The following ZNF570 variants were observed in gnomAD, a reference collection of about 807,000 sequenced individuals.
ZNF570 encodes the protein zinc finger protein 570.
ZNF570 carries 8 observed loss-of-function variants against 14.2 expected under a neutral mutation model. The observed-to-expected ratio is 0.56, with a 90% CI of 0.33 to 1.02. The LOEUF (loss-of-function observed/expected upper bound fraction) is 1.02. Ranked by LOEUF, ZNF570 falls within the 50% of genes least tolerant of loss-of-function variation. The pLI, the probability that ZNF570 is intolerant of heterozygous loss-of-function variation, is 0.03. For synonymous variants in ZNF570, 202 were observed against 207.6 expected (o/e 0.97, Z 0.23); for missense variants, 559 against 624.9 (o/e 0.89, Z 1.12).
rs577800145 is a variant in ZNF570, at chr19:37,485,657, A to T, written c.*424A>T. ...AGGCTGGTCTTGAACTCCTGATCTC[A>T]AGTGATCTGTCTGTCTCGGCCTCCC... On this transcript the variant is annotated 3_prime_UTR_variant, in exon 5 of 5. Transcript: ENST00000330173. 1 of 157,016 alleles carries T rather than the reference A, an allele frequency of 6.4e-6. No homozygotes were observed. Among genetic ancestry groups the T allele is most frequent in the East Asian group, 1.9e-4 (1 of 5,192 alleles). The allele number at this position is 157,016 out of a possible 1,614,324, so 9.7% of individuals were successfully genotyped here. A position where few individuals can be genotyped will look rare whatever the true frequency, so the allele number is the denominator to read the frequency against.
intron 4 of ZNF570, among the ~76,000 whole-genome samples, chr19:37,478,920 G>A (rs2042056323): frequency 6.6e-6 from 1 of 151,164 alleles, no homozygotes; most frequent in African/African-American, 2.4e-5. Flanking sequence ...TTGTTTGGGT[G>A]TTTTGCATCT....
Position 37,475,961 on chromosome 19 carries a change from G to A in ZNF570, c.114G>A (p.Leu38=), listed in dbSNP as rs771340961. 4.3e-6 allele frequency: 7 copies of A among 1,613,954 alleles called. No homozygotes were observed. The highest frequency in any genetic ancestry group is 5.1e-6 in the Non-Finnish European group (6 of 1,179,910). ...GTCTGGATTCTTCTCAAAGACATCT[G>A]TACAGTAATGTGATGCTAGAGAACT... The part of the protein sequence containing the change: ...WDCLDSSQRH[L]YSNVMLENYR... The change falls in exon 3 of 5, where the codon CTG becomes CTA. Residue 38 remains leucine, a synonymous_variant. Transcript: ENST00000330173.
At chr19:37,479,729 T>C (rs1229447384) in intron 4 of ZNF570, among the ~76,000 whole-genome samples, 1 of 152,186 alleles carries the variant, frequency 6.6e-6, no homozygotes, top group Admixed American at 6.5e-5. Flanking sequence ...AATTCTTATA[T>C]TATTGTTACT....
At chr19:37,476,618 T>C in intron 4 of ZNF570, 184 bp downstream of exon 4, 2 of 832,460 alleles carry the variant, frequency 2.4e-6, no homozygotes, top group South Asian at 3.8e-5. Context: ...CTTCTCTTAC[T>C]TTCCTATCTC....
Position 37,483,986 on chromosome 19 carries a change from T to C in ZNF570, c.364T>C (p.Tyr122His). 1.2e-6 allele frequency: 2 copies of C among 1,614,022 alleles called. No homozygotes were observed. The highest frequency in any genetic ancestry group is 1.3e-5 in the African/African-American group (1 of 75,050). ...AACACTTACAAGCTATAACCTTGAATACTCCAGTTTGAGAGAAGAGTGGAA... is the reference window on the plus strand; with the variant it reads ...AACACTTACAAGCTATAACCTTGAACACTCCAGTTTGAGAGAAGAGTGGAA... Reference protein sequence around the residue: ...IETLTSYNLEYSSLREEWKCE... With the variant: ...IETLTSYNLEHSSLREEWKCE... The change falls in exon 5 of 5, where the codon TAC (tyrosine) becomes CAC (histidine). Residue 122 changes from tyrosine to histidine, a missense_variant. Coordinates refer to ENST00000330173, the MANE Select transcript of ZNF570 (RefSeq NM_144694.5).
In ZNF570 at chr19:37,483,912, C is replaced by A; in HGVS notation, c.290C>A (p.Thr97Asn). ...WEPICETEEL[T>N]PKQDFYEEHQ... ...CCTATATGTGAGACTGAAGAATTAA[C>A]CCCAAAGCAGGATTTTTATGAAGAA... The change falls in exon 5 of 5, where the codon ACC becomes AAC. Residue 97 changes from threonine (T) to asparagine (N), a missense_variant. Coordinates refer to ENST00000330173, the MANE Select transcript of ZNF570 (RefSeq NM_144694.5). The A allele has an allele frequency of 6.2e-7, 1 of 1,612,458 alleles. No homozygotes were observed. Among genetic ancestry groups the A allele is most frequent in the South Asian group, 1.1e-5 (1 of 90,918 alleles).
rs200756675 is a variant in ZNF570, at chr19:37,484,295, A to G, written c.673A>G (p.Lys225Glu). 149 of 1,613,428 alleles carry G rather than the reference A, an allele frequency of 9.2e-5. 1 individual carries two copies. Among genetic ancestry groups the G allele is most frequent in the Middle Eastern group, 1.6e-4 (1 of 6,070 alleles). ...ACTTTTGAAATGTAATGACTGTGAA[A>G]AAGTCTTCAGCCAGAGTTCATCCCT... The part of the protein sequence containing the change: ...KKLLKCNDCE[K>E]VFSQSSSLTL... Residue 225 changes from lysine to glutamate, a missense_variant, in exon 5 of 5, where the codon AAA becomes GAA. Coordinates refer to ENST00000330173, the MANE Select transcript of ZNF570 (RefSeq NM_144694.5).
At chr19:37,470,695 CT>C (rs760686313) in intron 2 of ZNF570, among the ~76,000 whole-genome samples, 1,148 of 92,954 alleles carry the variant, frequency 0.012, 9 homozygotes, top group African/African-American at 0.029. Context: ...CTTATTTATT[CT>C]TTTTTTTTTT....
chr19:37,469,191 G>A (rs2041907744), upstream of ZNF570: 2 of 1,255,264 alleles, frequency 1.6e-6, no homozygotes, highest in South Asian at 1.9e-5. Context: ...GGGAGGACCT[G>A]GTGGGGAGGA....
At chr19:37,468,696 C>CG (rs963615464), upstream of ZNF570, among the ~76,000 whole-genome samples, 1 of 152,026 alleles carries the variant, frequency 6.6e-6, no homozygotes, top group African/African-American at 2.4e-5. Flanking sequence ...TTAGTAGAGA[C>CG]GGGGTTTCAC....
rs1366085161 is a variant in ZNF570 at position 37,484,303 on chromosome 19, C to T, written c.681C>T (p.Phe227=). ...LLKCNDCEKV[F]SQSSSLTLHQ... is the part of the protein sequence containing the mutation. ...AATGTAATGACTGTGAAAAAGTCTT[C>T]AGCCAGAGTTCATCCCTTACTCTTC... The change falls in exon 5 of 5, where the codon TTC becomes TTT. Residue 227 remains phenylalanine (F), a synonymous_variant. Transcript: ENST00000330173. 1 of 1,613,642 alleles carries T rather than the reference C, an allele frequency of 6.2e-7. No individual in the cohort carries two copies. The highest frequency in any genetic ancestry group is 8.5e-7 in the Non-Finnish European group (1 of 1,179,910).
upstream of ZNF570, chr19:37,468,094 G>GTT (rs145332123): frequency 3.1e-4 from 204 of 663,384 alleles, no homozygotes; most frequent in South Asian, 5.4e-4. Context: ...TGTTTGTTTT[G>GTT]TTTTTTTTGA....
Position 37,484,869 on chromosome 19 carries a change from G to A in ZNF570, c.1247G>A (p.Cys416Tyr). The A allele has an allele frequency of 6.2e-7, 1 of 1,613,694 alleles. No individual in the cohort carries two copies. The highest frequency in any genetic ancestry group is 1.1e-5 in the South Asian group (1 of 91,070). The change falls in exon 5 of 5, where the codon TGT (cysteine) becomes TAT (tyrosine). Residue 416 changes from cysteine to tyrosine, a missense_variant. Physicochemically the swap from Cys to Tyr is radical, Grantham distance 194. Transcript: ENST00000330173. The part of the protein sequence containing the change: ...RIHTGEKPYK[C>Y]QECRKAFSQI... ...CATACTGGAGAAAAACCTTATAAGT[G>A]TCAGGAATGTAGGAAAGCATTCAGC...
In ZNF570 at chr19:37,484,709, T is replaced by C. The variant is rs1469534091; in HGVS notation, c.1087T>C (p.Cys363Arg). 2 of 1,614,158 alleles carry C rather than the reference T, an allele frequency of 1.2e-6. No homozygotes were observed. The highest frequency in any genetic ancestry group is 1.7e-5 in the Admixed American group (1 of 60,020). Reference protein sequence around the residue: ...TGEKPYECNVCGKAFSLRAYL... With the variant: ...TGEKPYECNVRGKAFSLRAYL... ...AGAGAAACCCTATGAATGTAATGTCTGTGGGAAAGCATTTAGCCTTCGTGC... is the reference window on the plus strand; with the variant it reads ...AGAGAAACCCTATGAATGTAATGTCCGTGGGAAAGCATTTAGCCTTCGTGC... Residue 363 changes from cysteine (C) to arginine (R), a missense_variant, in exon 5 of 5, where the codon TGT (cysteine) becomes CGT (arginine). Cys to Arg is a radical substitution (Grantham distance 180, BLOSUM62 -3). Transcript: ENST00000330173.
At chr19:37,475,774 G>A in intron 2 of ZNF570, 107 bp from the exon 3 acceptor site, 1 of 1,092,934 alleles carries the variant, frequency 9.1e-7, no homozygotes, top group Non-Finnish European at 1.3e-6. Flanking sequence ...TGATAACATG[G>A]TTACATATTT....
At position 37,488,264 on chromosome 19, in the gene ZNF570, G is replaced by A. The variant is rs769277799; in HGVS notation, c.*3031G>A. 8 of 151,968 alleles carry A rather than the reference G, an allele frequency of 5.3e-5. No individual in the cohort carries two copies. The highest frequency in any genetic ancestry group is 5.2e-4 in the Admixed American group (8 of 15,256). 9.4% of individuals were successfully genotyped at this position (151,968 alleles called of 1,614,324 possible). A position where few individuals can be genotyped will look rare whatever the true frequency, so the allele number is the denominator to read the frequency against. Reference sequence around the variant, plus strand: ...AACTAGAGATATTTCTGTCAACATGGGTAAACCTCAAAAATAGTATTAATG... The same window carrying A: ...AACTAGAGATATTTCTGTCAACATGAGTAAACCTCAAAAATAGTATTAATG... On this transcript the variant is annotated 3_prime_UTR_variant, in exon 5 of 5. Transcript: ENST00000330173.
chr19:37,480,951 A>C (rs1446362057), intron 4 of ZNF570, among the ~76,000 whole-genome samples: 1 of 151,964 alleles, frequency 6.6e-6, no homozygotes. Flanking sequence ...TCTGTCTCAA[A>C]AAAAAAAACA....
chr19:37,478,404 A>G (rs530366053), intron 4 of ZNF570, among the ~76,000 whole-genome samples: 1 of 152,146 alleles, frequency 6.6e-6, no homozygotes, highest in Non-Finnish European at 1.5e-5. Flanking sequence ...CTTCGTATGC[A>G]TTGGCCTTAT....
rs1415927196 is a variant in ZNF570, at chr19:37,484,405, T to G, written c.783T>G (p.Leu261=). The change falls in exon 5 of 5, where the codon CTT becomes CTG. Residue 261 remains leucine (L), a synonymous_variant. Transcript: ENST00000330173. ...CGKAFSQRSN[L]VQHQRIHTGE... Reference sequence around the variant, plus strand: ...AAGCCTTCAGCCAGAGATCAAATCTTGTTCAACATCAGAGGATTCATACTG... The same window carrying G: ...AAGCCTTCAGCCAGAGATCAAATCTGGTTCAACATCAGAGGATTCATACTG... 3.7e-6 allele frequency: 6 copies of G among 1,614,026 alleles called. No individual in the cohort carries two copies.
Sources: allele counts gnomAD v4.1 joint callset (sites outside exome capture counted in the v4.1 genomes callset), GRCh38; gene constraint gnomAD v4.1.1; transcripts MANE v1.5; gene names NCBI Gene and HGNC (gene_info 2026-07-23, HGNC 2026-07-21).